MYLK: variants seen among roughly 807,000 people sequenced by gnomAD.
The protein encoded by MYLK is myosin light chain kinase, smooth muscle.
MYLK carries 106 observed loss-of-function variants against 203.4 expected under a neutral mutation model. The ratio of observed to expected loss-of-function variants is 0.52; its 90% CI spans 0.45 to 0.61. The LOEUF is 0.61. MYLK is among the 20% of genes least tolerant of loss of function. The pLI, the probability that MYLK is intolerant of heterozygous loss-of-function variation, is 0.00. For missense variants in MYLK, 2,072 were observed against 2,442.3 expected (o/e 0.85, Z 3.20); for synonymous variants, 867 against 959.5 (o/e 0.90, Z 1.78).
chr3:123,866,479 T>G (rs1033647762), intron 2 of MYLK, among the ~76,000 whole-genome samples: 2 of 152,126 alleles, frequency 1.3e-5, no homozygotes, highest in Non-Finnish European at 2.9e-5. Context: ...AGCTTACTGT[T>G]TAGTGGGAAA....
intron 16 of MYLK, among the ~76,000 whole-genome samples, chr3:123,704,747 C>CAAAAAAAAAAAAAAAAAA: frequency 1.1e-5 from 1 of 87,688 alleles, no homozygotes; most frequent in Non-Finnish European, 2.3e-5. Flanking sequence ...ACTAAAAATA[C>CAAAAAAAAAAAAAAAAAA]AAAAAAAAAA....
At chr3:123,814,847 C>G (rs1479612532) in intron 3 of MYLK, among the ~76,000 whole-genome samples, 1 of 152,060 alleles carries the variant, frequency 6.6e-6, no homozygotes, top group Non-Finnish European at 1.5e-5. Flanking sequence ...GGCTGGAGTA[C>G]AGCGGCATGA....
chr3:123,803,412 G>A (rs2065263136), intron 3 of MYLK, among the ~76,000 whole-genome samples: 1 of 152,220 alleles, frequency 6.6e-6, no homozygotes, highest in African/African-American at 2.4e-5. Context: ...TGGAGGGTGA[G>A]ATAGCACAGA....
intron 31 of MYLK, chr3:123,623,509 C>G (rs1255804091): frequency 6.6e-6 from 1 of 152,058 alleles, no homozygotes; most frequent in Non-Finnish European, 1.5e-5. Flanking sequence ...TCATCTATAC[C>G]CAGCCTAGCT....
At chr3:123,653,219 T>C (rs1003814057) in intron 24 of MYLK, among the ~76,000 whole-genome samples, 4 of 152,086 alleles carry the variant, frequency 2.6e-5, no homozygotes, top group Non-Finnish European at 4.4e-5. Flanking sequence ...GACCTGTCAC[T>C]TGATCCCACC....
intron 2 of MYLK, among the ~76,000 whole-genome samples, chr3:123,834,181 G>A (rs1349575955): frequency 6.6e-6 from 1 of 152,038 alleles, no homozygotes; most frequent in Non-Finnish European, 1.5e-5. Context: ...AAGTAGTTGG[G>A]ACTACAGGTG....
At position 123,750,986 on chromosome 3, in the gene MYLK, A is replaced by G. The variant is rs552747862; in HGVS notation, c.373+1345T>C. Among the ~76,000 whole-genome samples, 692 of 152,332 alleles carry G rather than the reference A, an allele frequency of 4.5e-3. 5 individuals carry two copies. Among genetic ancestry groups the G allele is most frequent in the Non-Finnish European group, 8.3e-3 (567 of 68,030 alleles). On this transcript the variant is annotated intron_variant, in intron 5 of 33. Transcript: ENST00000360304. ...CCTTCTGTGGTGTGGGGAGACAGGG[A>G]AAACAGGGCAAAGGGCGGCCATTGG... is the stretch of plus-strand genomic sequence containing the variant.
At chr3:123,779,910 AT>A (rs1384819000) in intron 4 of MYLK, among the ~76,000 whole-genome samples, 2 of 152,332 alleles carry the variant, frequency 1.3e-5, no homozygotes, top group East Asian at 3.9e-4. Context: ...GGAAGTGCAG[AT>A]TTAGAGCCTC....
chr3:123,738,141 T>C (rs1386173253), intron 7 of MYLK, among the ~76,000 whole-genome samples: 1 of 151,922 alleles, frequency 6.6e-6, no homozygotes, highest in Non-Finnish European at 1.5e-5. Context: ...GTAGGTGGTA[T>C]TATTTCTATC....
intron 18 of MYLK, among the ~76,000 whole-genome samples, chr3:123,695,494 T>C (rs893993783): frequency 6.6e-6 from 1 of 152,240 alleles, no homozygotes; most frequent in African/African-American, 2.4e-5. Flanking sequence ...GTAGGATCTA[T>C]GTAAGAAAAG....
intron 18 of MYLK, among the ~76,000 whole-genome samples, chr3:123,698,032 C>T (rs1001650901): frequency 2.0e-5 from 3 of 152,184 alleles, no homozygotes; most frequent in Admixed American, 2.0e-4. Context: ...AGAAGAGTTT[C>T]TGAGACCAGG....
intron 7 of MYLK, 91 bp from the exon 8 acceptor site, chr3:123,737,634 C>G (rs1376551952): frequency 6.5e-7 from 1 of 1,540,200 alleles, no homozygotes; most frequent in Non-Finnish European, 8.9e-7. Flanking sequence ...GTGGGATAGA[C>G]TCCAGGGCCT....
intron 2 of MYLK, among the ~76,000 whole-genome samples, chr3:123,856,870 T>C (rs1342778549): frequency 6.6e-6 from 1 of 151,778 alleles, no homozygotes; most frequent in African/African-American, 2.4e-5. Flanking sequence ...ACCTACAAAA[T>C]GGGATAAAAT....
intron 2 of MYLK, among the ~76,000 whole-genome samples, chr3:123,874,924 C>T (rs2033050396): frequency 6.6e-6 from 1 of 152,066 alleles, no homozygotes; most frequent in Non-Finnish European, 1.5e-5. Context: ...AAATTAAAAA[C>T]ACAATATGAT....
At chr3:123,685,121 G>A (rs1368239794) in intron 19 of MYLK, among the ~76,000 whole-genome samples, 1 of 152,222 alleles carries the variant, frequency 6.6e-6, no homozygotes, top group Non-Finnish European at 1.5e-5. Context: ...GAGGCCAAGA[G>A]AGTACAGCTC....
chr3:123,666,853 G>T, intron 21 of MYLK: 1 of 588,382 alleles, frequency 1.7e-6, no homozygotes, highest in African/African-American at 1.9e-5. Flanking sequence ...GGCAGAATTC[G>T]TAGAAGGGGC....
chr3:123,725,837 C>T, intron 12 of MYLK, 107 bp downstream of exon 12: 5 of 1,495,962 alleles, frequency 3.3e-6, no homozygotes, highest in Non-Finnish European at 4.5e-6. Flanking sequence ...CTTCTCATAC[C>T]ACCAGGATGT....
intron 2 of MYLK, among the ~76,000 whole-genome samples, chr3:123,858,522 G>A (rs1233086364): frequency 2.0e-5 from 3 of 152,104 alleles, no homozygotes; most frequent in East Asian, 1.9e-4. Context: ...TCCTGCTGGT[G>A]GGGACTCTTA....
intron 3 of MYLK, among the ~76,000 whole-genome samples, chr3:123,828,172 AG>A (rs1382567686): frequency 2.0e-5 from 3 of 152,170 alleles, no homozygotes; most frequent in Non-Finnish European, 2.9e-5. Flanking sequence ...AAAATGACAA[AG>A]CTGGGGGTAT....
Sources: gnomAD v4.1 joint callset for allele counts (sites outside exome capture counted in the v4.1 genomes callset) on GRCh38, gnomAD v4.1.1 for gene constraint, MANE v1.5 for transcripts, NCBI Gene and HGNC (gene_info 2026-07-23, HGNC 2026-07-21) for gene names.